The following SUPT3H variants were observed in gnomAD, a reference collection of about 807,000 sequenced individuals.
SUPT3H encodes transcription initiation protein SPT3 homolog.
Under a neutral mutation model 44.3 loss-of-function variants are expected in SUPT3H, and 44 were observed. That is an observed-to-expected ratio of 0.99 (90% CI 0.78 to 1.28). The LOEUF is 1.28. Among genes scored for constraint, SUPT3H ranks in the 50% most tolerant of loss-of-function variants. SUPT3H has a pLI of 0.00. For synonymous variants in SUPT3H, 124 were observed against 125.6 expected (o/e 0.99, Z 0.09); for missense variants, 380 against 387.1 (o/e 0.98, Z 0.15).
At chr6:45,183,189 T>C (rs993570253) in intron 2 of SUPT3H, among the ~76,000 whole-genome samples, 1 of 152,228 alleles carries the variant, frequency 6.6e-6, no homozygotes, top group Non-Finnish European at 1.5e-5. Context: ...TTGAGGACAC[T>C]GTACTAAGTA....
At chr6:44,862,430 A>G (rs1774800597) in intron 10 of SUPT3H, among the ~76,000 whole-genome samples, 1 of 151,922 alleles carries the variant, frequency 6.6e-6, no homozygotes, top group Non-Finnish European at 1.5e-5. Flanking sequence ...TAATTCCAGC[A>G]TTTTCGGAGG....
intron 2 of SUPT3H, among the ~76,000 whole-genome samples, chr6:45,162,410 G>A (rs1177109831): frequency 1.3e-5 from 2 of 152,072 alleles, no homozygotes; most frequent in Non-Finnish European, 2.9e-5. Flanking sequence ...TATAGTCCCA[G>A]CTACTCAGGA....
intron 10 of SUPT3H, among the ~76,000 whole-genome samples, chr6:44,853,004 AG>A (rs35991735): frequency 0.42 from 64,259 of 151,972 alleles, 15,088 homozygotes; most frequent in Non-Finnish European, 0.53. Context: ...ATAATGTCCT[AG>A]TGGCTGTAGA....
intron 6 of SUPT3H, 69 bp from the exon 7 acceptor site, chr6:44,961,897 C>T (rs1776086300): frequency 1.6e-6 from 2 of 1,243,080 alleles, no homozygotes; most frequent in Non-Finnish European, 2.3e-6. Context: ...ACAGCTTAAA[C>T]TTAGAATTGA....
intron 10 of SUPT3H, among the ~76,000 whole-genome samples, chr6:44,845,774 A>G (rs538977628): frequency 6.6e-6 from 1 of 152,316 alleles, no homozygotes; most frequent in South Asian, 2.1e-4. Flanking sequence ...ACCCGACACC[A>G]GGGGAAAATA....
At chr6:45,320,789 T>G (rs1785366141) in intron 2 of SUPT3H, among the ~76,000 whole-genome samples, 3 of 152,176 alleles carry the variant, frequency 2.0e-5, no homozygotes, top group Admixed American at 2.0e-4. Flanking sequence ...AAATTCAAAA[T>G]TAATACTTTG....
intron 2 of SUPT3H, among the ~76,000 whole-genome samples, chr6:45,257,408 T>C (rs902803811): frequency 6.6e-6 from 1 of 152,186 alleles, no homozygotes; most frequent in Non-Finnish European, 1.5e-5. Flanking sequence ...GCAAGAAGGA[T>C]AGACATTTCC....
intron 9 of SUPT3H, among the ~76,000 whole-genome samples, chr6:44,944,879 A>G (rs950614158): frequency 2.8e-4 from 43 of 151,896 alleles, no homozygotes; most frequent in African/African-American, 6.0e-4. Flanking sequence ...TAAATATATT[A>G]TATTTATCTT....
At chr6:45,246,913 T>G (rs1771455623) in intron 2 of SUPT3H, among the ~76,000 whole-genome samples, 1 of 152,086 alleles carries the variant, frequency 6.6e-6, no homozygotes, top group African/African-American at 2.4e-5. Flanking sequence ...ACCTTCCCTC[T>G]TAAGAAACTA....
chr6:45,236,845 C>T (rs548915844), intron 2 of SUPT3H, among the ~76,000 whole-genome samples: 3 of 152,252 alleles, frequency 2.0e-5, no homozygotes, highest in African/African-American at 7.2e-5. Context: ...ACCAGGTTCT[C>T]CTTTTGTAAT....
intron 10 of SUPT3H, among the ~76,000 whole-genome samples, chr6:44,843,927 GCACACA>G (rs56329630): frequency 0.58 from 85,795 of 147,892 alleles, 25,810 homozygotes; most frequent in East Asian, 0.69. Context: ...ACACACACAC[GCACACA>G]CACACACACA....
intron 10 of SUPT3H, among the ~76,000 whole-genome samples, chr6:44,895,002 T>C (rs551817): frequency 0.051 from 7,765 of 152,008 alleles, 262 homozygotes; most frequent in South Asian, 0.13. Flanking sequence ...GATGTTGATA[T>C]AATGGGAATG....
intron 2 of SUPT3H, among the ~76,000 whole-genome samples, chr6:45,158,092 A>G (rs1808155974): frequency 6.9e-6 from 1 of 145,810 alleles, no homozygotes; most frequent in South Asian, 2.1e-4. Context: ...TAATATATTT[A>G]TATACTAATA....
At chr6:45,049,041 C>T (rs1274970003) in intron 3 of SUPT3H, among the ~76,000 whole-genome samples, 1 of 151,990 alleles carries the variant, frequency 6.6e-6, no homozygotes, top group Non-Finnish European at 1.5e-5. Flanking sequence ...TGTCTTCTCA[C>T]TACAAAAAAA....
chr6:45,217,311 C>T (rs1320305276), intron 2 of SUPT3H, among the ~76,000 whole-genome samples: 2 of 151,646 alleles, frequency 1.3e-5, no homozygotes, highest in Non-Finnish European at 2.9e-5. Flanking sequence ...CCCATCTCTA[C>T]TAAAACTACA....
chr6:45,182,015 T>C (rs1562633920), intron 2 of SUPT3H, among the ~76,000 whole-genome samples: 1 of 152,142 alleles, frequency 6.6e-6, no homozygotes, highest in East Asian at 1.9e-4. Context: ...AGTAAGCCCA[T>C]CCTTTTTCTC....
At chr6:45,229,043 T>G (rs1360860809) in intron 2 of SUPT3H, among the ~76,000 whole-genome samples, 2 of 152,218 alleles carry the variant, frequency 1.3e-5, no homozygotes, top group Non-Finnish European at 2.9e-5. Flanking sequence ...TTGAATGAAT[T>G]AACAAGCACT....
chr6:45,143,187 A>G (rs910389758), intron 2 of SUPT3H, among the ~76,000 whole-genome samples: 1 of 152,146 alleles, frequency 6.6e-6, no homozygotes, highest in African/African-American at 2.4e-5. Flanking sequence ...AACGAACTTA[A>G]ACTACACCTT....
chr6:44,920,814 T>G (rs975168771), intron 10 of SUPT3H, among the ~76,000 whole-genome samples: 11 of 152,326 alleles, frequency 7.2e-5, no homozygotes, highest in Admixed American at 6.5e-4. Flanking sequence ...GTTCCTCATC[T>G]TTGCCTGAAC....
Sources: gnomAD v4.1 joint callset for allele counts (sites outside exome capture counted in the v4.1 genomes callset) on GRCh38, gnomAD v4.1.1 for gene constraint, MANE v1.5 for transcripts, NCBI Gene and HGNC (gene_info 2026-07-23, HGNC 2026-07-21) for gene names.